The following ETV6 variants were observed in gnomAD, a reference collection of about 807,000 sequenced individuals.
ETV6 encodes transcription factor ETV6.
In ETV6, 16 loss-of-function variants were observed where a neutral mutation model predicts 51.1. The ratio of observed to expected loss-of-function variants is 0.31; its 90% CI spans 0.21 to 0.48. The LOEUF is 0.48. Ranked by LOEUF, ETV6 falls within the 20% of genes least tolerant of loss-of-function variation. ETV6 has a pLI of 0.99. For missense variants in ETV6, 458 were observed against 594.8 expected (o/e 0.77, Z 2.39); for synonymous variants, 240 against 224.1 (o/e 1.07, Z -0.64).
intron 1 of ETV6, among the ~76,000 whole-genome samples, chr12:11,714,740 G>A (rs1192848273): frequency 6.7e-6 from 1 of 150,266 alleles, no homozygotes; most frequent in Non-Finnish European, 1.5e-5. Flanking sequence ...GTAAGTGACT[G>A]TTTCAGACTG....
At chr12:11,788,890 C>A (rs1359653911) in intron 2 of ETV6, among the ~76,000 whole-genome samples, 7 of 151,130 alleles carry the variant, frequency 4.6e-5, no homozygotes, top group African/African-American at 1.5e-4. Context: ...TTGGACAGAA[C>A]AATTTAGTGT....
At chr12:11,809,209 T>C (rs1591688650) in intron 2 of ETV6, among the ~76,000 whole-genome samples, 1 of 145,302 alleles carries the variant, frequency 6.9e-6, no homozygotes, top group African/African-American at 2.5e-5. Context: ...AGGTCATAGA[T>C]AATGGCATGA....
At chr12:11,870,294 T>C (rs1253583905) in intron 5 of ETV6, among the ~76,000 whole-genome samples, 1 of 152,156 alleles carries the variant, frequency 6.6e-6, no homozygotes, top group South Asian at 2.1e-4. Context: ...AATGGCCCTG[T>C]CCTGAAGTTT....
At chr12:11,887,758 A>T (rs1004676820) in intron 7 of ETV6, among the ~76,000 whole-genome samples, 15 of 151,704 alleles carry the variant, frequency 9.9e-5, no homozygotes, top group African/African-American at 3.6e-4. Flanking sequence ...AGAAAAAAAA[A>T]AAAAAAAGAA....
intron 2 of ETV6, among the ~76,000 whole-genome samples, chr12:11,757,979 A>T (rs1945031724): frequency 1.3e-5 from 2 of 152,038 alleles, no homozygotes; most frequent in Admixed American, 1.3e-4. Flanking sequence ...TCTCCCTACA[A>T]CCAGAATGCC....
At chr12:11,854,340 T>G (rs899247350) in intron 4 of ETV6, among the ~76,000 whole-genome samples, 2 of 152,186 alleles carry the variant, frequency 1.3e-5, no homozygotes, top group Admixed American at 6.5e-5. Context: ...GCTCACCTCC[T>G]GCTGTGCAGC....
intron 1 of ETV6, among the ~76,000 whole-genome samples, chr12:11,706,262 G>T (rs1021185938): frequency 6.6e-6 from 1 of 152,294 alleles, no homozygotes; most frequent in South Asian, 2.1e-4. Flanking sequence ...GATAATAACC[G>T]TGTGAGAAAA....
intron 2 of ETV6, among the ~76,000 whole-genome samples, chr12:11,787,748 A>G (rs145354991): frequency 2.4e-4 from 36 of 152,304 alleles, no homozygotes; most frequent in Non-Finnish European, 3.5e-4. Context: ...TTTTACATGG[A>G]GTCTATGACA....
intron 2 of ETV6, among the ~76,000 whole-genome samples, chr12:11,799,178 T>C (rs563910907): frequency 3.3e-5 from 5 of 152,282 alleles, no homozygotes; most frequent in African/African-American, 1.2e-4. Flanking sequence ...CAGACATTCT[T>C]ATCCATGTAG....
At chr12:11,696,557 A>C (rs1864882378) in intron 1 of ETV6, among the ~76,000 whole-genome samples, 1 of 152,190 alleles carries the variant, frequency 6.6e-6, no homozygotes, top group Admixed American at 6.5e-5. Flanking sequence ...AGTGGCTCAC[A>C]CCTGTAATCC....
At chr12:11,710,562 T>C (rs1412642097) in intron 1 of ETV6, among the ~76,000 whole-genome samples, 2 of 152,222 alleles carry the variant, frequency 1.3e-5, no homozygotes, top group Non-Finnish European at 2.9e-5. Context: ...TTAGAGCGCT[T>C]GCTTCTGACG....
At chr12:11,889,253 A>G (rs1206074057) in intron 7 of ETV6, among the ~76,000 whole-genome samples, 2 of 152,202 alleles carry the variant, frequency 1.3e-5, no homozygotes, top group Non-Finnish European at 1.5e-5. Context: ...ACTGCTGGAG[A>G]AGTTTGCCAG....
chr12:11,719,679 A>G (rs950242106), intron 1 of ETV6, among the ~76,000 whole-genome samples: 2 of 152,190 alleles, frequency 1.3e-5, no homozygotes, highest in East Asian at 1.9e-4. Context: ...TGGGGGTGCT[A>G]GGGCAGAGTC....
intron 1 of ETV6, among the ~76,000 whole-genome samples, chr12:11,668,161 T>A (rs1864231709): frequency 7.0e-6 from 1 of 143,862 alleles, no homozygotes; most frequent in African/African-American, 2.6e-5. Flanking sequence ...CTACCACAAC[T>A]ATAGGTCTGT....
rs12322718 is a variant in ETV6, at chr12:11,777,138, G to A, written c.163+24559G>A. Among the ~76,000 whole-genome samples, 686 of 151,296 alleles carry A rather than the reference G, an allele frequency of 4.5e-3. 3 individuals are homozygous for A. The highest frequency in any genetic ancestry group is 0.016 in the African/African-American group (664 of 41,250). On this transcript the variant is annotated intron_variant, in intron 2 of 7. Transcript: ENST00000396373. The stretch of plus-strand genomic sequence containing the variant: ...GCCTGTAGTCCCAGCTACTCGGGAG[G>A]CTGAGGCAGGAGAATGGCGTGAACC...
chr12:11,729,423 G>T (rs574090512), intron 1 of ETV6, among the ~76,000 whole-genome samples: 2 of 152,176 alleles, frequency 1.3e-5, no homozygotes, highest in South Asian at 4.1e-4. Context: ...GATCAGGTGG[G>T]GGGGACTGGG....
chr12:11,800,435 ATCT>A lies in ETV6; in HGVS notation c.164-38702_164-38700del, dbSNP rs1375588157. Among the ~76,000 whole-genome samples, 3 of 152,228 alleles carry A rather than the reference ATCT, an allele frequency of 2.0e-5. No homozygotes were observed. The East Asian group carries it at 5.8e-4, about 29-fold the overall frequency. On this transcript the variant is annotated intron_variant, in intron 2 of 7. Coordinates refer to ENST00000396373, the MANE Select transcript of ETV6 (RefSeq NM_001987.5). ...GTGGTGAGAACATTTAAAATCTACC[ATCT>A]TCATAATTTTCAAACATACACAGTG...
chr12:11,722,908 G>C (rs754065569), intron 1 of ETV6, among the ~76,000 whole-genome samples: 1 of 152,178 alleles, frequency 6.6e-6, no homozygotes, highest in African/African-American at 2.4e-5. Flanking sequence ...TTGCTGGGCC[G>C]TTCTCTCAGA....
At chr12:11,657,302 G>A (rs1297066387) in intron 1 of ETV6, among the ~76,000 whole-genome samples, 1 of 152,036 alleles carries the variant, frequency 6.6e-6, no homozygotes, top group Non-Finnish European at 1.5e-5. Flanking sequence ...TTCCATCCTA[G>A]GTCCATGTTC....
Sources: gnomAD v4.1 joint callset for allele counts (sites outside exome capture counted in the v4.1 genomes callset) on GRCh38, gnomAD v4.1.1 for gene constraint, MANE v1.5 for transcripts, NCBI Gene and HGNC (gene_info 2026-07-23, HGNC 2026-07-21) for gene names.